Variants in INPP5A observed in about 807,000 individuals in gnomAD.
INPP5A encodes inositol polyphosphate-5-phosphatase A.
In INPP5A, 14 loss-of-function variants were observed where a neutral mutation model predicts 65.2. That is an observed-to-expected ratio of 0.21 (90% CI 0.14 to 0.34). The LOEUF (loss-of-function observed/expected upper bound fraction) is 0.34, where lower values mean the gene tolerates loss of function less well. Ranked by LOEUF, INPP5A falls within the 10% of genes least tolerant of loss-of-function variation. INPP5A has a pLI of 1.00. For missense variants in INPP5A, 431 were observed against 545.6 expected, an observed-to-expected ratio of 0.79 and a Z score of 2.09; for synonymous variants, 207 against 208.3, an observed-to-expected ratio of 0.99 and a Z score of 0.05.
At chr10:132,773,656 A>G (rs1251383882) in intron 12 of INPP5A, among the ~76,000 whole-genome samples, 1 of 152,176 alleles carries the variant, frequency 6.6e-6, no homozygotes, top group Non-Finnish European at 1.5e-5. Context: ...TGTGGCTCAT[A>G]CAGACTGTGG....
chr10:132,639,184 C>G (rs1428947076), intron 2 of INPP5A, among the ~76,000 whole-genome samples: 1 of 152,192 alleles, frequency 6.6e-6, no homozygotes, highest in African/African-American at 2.4e-5. Flanking sequence ...CCAGCCCTGC[C>G]CAGCCATCAG....
rs1035121284 is a variant in INPP5A, at chr10:132,697,156, G to C, written c.371-660G>C. On this transcript the variant is annotated intron_variant, in intron 5 of 15. Transcript: ENST00000368594. This position sits in a 1 kb window ranked among gnomAD's most constrained non-coding sequence, Gnocchi z 5.6. ...TGCCCACTGGACCCAGCAGGAGTTT[G>C]AGGAATGGATCCCTGCCATCCTTGA... 6.6e-6 allele frequency among the ~76,000 whole-genome samples: 1 copy of C among 152,242 alleles called. No individual in the cohort carries two copies. The highest frequency in any genetic ancestry group is 2.4e-5 in the African/African-American group (1 of 41,474).
In INPP5A at chr10:132,637,703, A is replaced by G. The variant is rs1306073299; in HGVS notation, c.118-8165A>G. Among the ~76,000 whole-genome samples, 1 of 151,866 alleles carries G rather than the reference A, an allele frequency of 6.6e-6. No individual in the cohort carries two copies. The highest frequency in any genetic ancestry group is 2.4e-5 in the African/African-American group (1 of 41,290). ...TTTGCCTTTGCCGCCCCCGAGGTTG[A>G]TGGGCGCTCTCCGTCTCTTTCTCCC... On this transcript the variant is annotated intron_variant, in intron 2 of 15. Coordinates refer to ENST00000368594, the MANE Select transcript of INPP5A (RefSeq NM_005539.5). The surrounding 1 kb of genome is among the most constrained non-coding windows in gnomAD (Gnocchi z 4.1).
At chr10:132,597,982 G>A (rs1325240905) in intron 1 of INPP5A, among the ~76,000 whole-genome samples, 1 of 152,246 alleles carries the variant, frequency 6.6e-6, no homozygotes, top group African/African-American at 2.4e-5. Context: ...TTCCCGGGCT[G>A]TGCTACACAT....
At chr10:132,548,176 G>T (rs924805478) in intron 1 of INPP5A, among the ~76,000 whole-genome samples, 3 of 152,064 alleles carry the variant, frequency 2.0e-5, no homozygotes, top group Non-Finnish European at 2.9e-5. Flanking sequence ...CATCGTGCCC[G>T]GCCATGGTGT....
intron 1 of INPP5A, among the ~76,000 whole-genome samples, chr10:132,588,395 C>T (rs138786057): frequency 7.2e-5 from 11 of 152,362 alleles, no homozygotes; most frequent in South Asian, 2.1e-4. Context: ...CCTCCTGCAC[C>T]GCCTGGACAC....
chr10:132,546,790 T>A lies in INPP5A; in HGVS notation c.75+8619T>A, dbSNP rs890041496. ...TCCCCACCTGACCGCCCAGCCACTG[T>A]TCTCCCTGGCCCTTCCCTCTCGTTT... On this transcript the variant is annotated intron_variant, in intron 1 of 15. Coordinates refer to ENST00000368594, the MANE Select transcript of INPP5A (RefSeq NM_005539.5). This position sits in a 1 kb window ranked among gnomAD's most constrained non-coding sequence, Gnocchi z 5.7. Among the ~76,000 whole-genome samples, 7 of 152,198 alleles carry A rather than the reference T, an allele frequency of 4.6e-5. No homozygotes were observed. The highest frequency in any genetic ancestry group is 1.2e-4 in the African/African-American group (5 of 41,468).
At chr10:132,751,178 C>T (rs555526414) in intron 11 of INPP5A, among the ~76,000 whole-genome samples, 8 of 152,232 alleles carry the variant, frequency 5.3e-5, no homozygotes, top group Admixed American at 5.2e-4. Context: ...TGCCTCCTGC[C>T]CCTCATCAAC....
At chr10:132,561,561 G>T (rs1378939444) in intron 1 of INPP5A, among the ~76,000 whole-genome samples, 1 of 152,030 alleles carries the variant, frequency 6.6e-6, no homozygotes, top group African/African-American at 2.4e-5. Context: ...CTATGTGTCT[G>T]TCCTTATGCC....
chr10:132,733,000 A>G (rs1846113084), intron 9 of INPP5A, among the ~76,000 whole-genome samples: 1 of 152,118 alleles, frequency 6.6e-6, no homozygotes, highest in Non-Finnish European at 1.5e-5. Flanking sequence ...TGGACATCCA[A>G]AATCAAGGTG....
chr10:132,782,434 C>T lies in INPP5A; in HGVS notation c.*405C>T, dbSNP rs569251246. On this transcript the variant is annotated 3_prime_UTR_variant, in exon 16 of 16. Transcript: ENST00000368594. This position sits in a 1 kb window ranked among gnomAD's most constrained non-coding sequence, Gnocchi z 4.4. The stretch of plus-strand genomic sequence containing the variant: ...CCCCTCTGCCAGGTGGAGGTGTGTC[C>T]AGGGGCTGGGGAAGCCGAGACGGGC... 1.5e-4 allele frequency: 36 copies of T among 247,978 alleles called. No individual in the cohort carries two copies. In the East Asian group the frequency reaches 2.8e-3, roughly 19 times the overall value. The allele number at this position is 247,978 out of a possible 1,614,324, so 15.4% of individuals were successfully genotyped here.
chr10:132,643,089 TATTA>T lies in INPP5A; in HGVS notation c.118-2774_118-2771del. On this transcript the variant is annotated intron_variant, in intron 2 of 15. Transcript: ENST00000368594. ...TTTGTTAAAATTTAGTTTCAAATAC[TATTA>T]ATTAGCAAGGTCATTGGGTTGACCA... Among the ~76,000 whole-genome samples, 3 of 152,386 alleles carry T rather than the reference TATTA, an allele frequency of 2.0e-5. No homozygotes were observed. In the South Asian group the frequency reaches 6.2e-4, roughly 32 times the overall value.
chr10:132,617,049 C>T (rs971496211), intron 2 of INPP5A, among the ~76,000 whole-genome samples: 3 of 152,146 alleles, frequency 2.0e-5, no homozygotes, highest in African/African-American at 7.2e-5. Flanking sequence ...AGCCCAGCCC[C>T]GCAGCCTTCA....
Position 132,765,359 on chromosome 10 carries a change from C to G in INPP5A, c.904-414C>G, listed in dbSNP as rs186667428. On this transcript the variant is annotated intron_variant, in intron 11 of 15. Coordinates refer to ENST00000368594, the MANE Select transcript of INPP5A (RefSeq NM_005539.5). ...GGCCATTTTCCCTGACCTGTTCTCACAAAGCTGACATTGCTCACTCTGCAG... is the reference window on the plus strand; with the variant it reads ...GGCCATTTTCCCTGACCTGTTCTCAGAAAGCTGACATTGCTCACTCTGCAG... 2.0e-5 allele frequency among the ~76,000 whole-genome samples: 3 copies of G among 152,364 alleles called. No homozygotes were observed. In the East Asian group the frequency reaches 5.8e-4, roughly 29 times the overall value.
intron 1 of INPP5A, among the ~76,000 whole-genome samples, chr10:132,572,034 A>G (rs1021808694): frequency 2.6e-5 from 4 of 152,198 alleles, no homozygotes; most frequent in African/African-American, 9.7e-5. Context: ...GCTGAGTAGC[A>G]TGCAGCACAG....
At position 132,710,500 on chromosome 10, in the gene INPP5A, G is replaced by GGGCCGGGCAAGTAGGTA. The variant is rs759511413; in HGVS notation, c.647+44_647+45insGGCCGGGCAAGTAGGTA. ...GTAGGCGTGGGCCGGGCAAGTAGGT[G>GGGCCGGGCAAGTAGGTA]TGCTGGGCAGGCAGGTGTGAGTGGA... On this transcript the variant is annotated intron_variant, in intron 8 of 15. Transcript: ENST00000368594. 6.3e-6 allele frequency: 10 copies of GGGCCGGGCAAGTAGGTA among 1,597,008 alleles called. No individual in the cohort carries two copies. The African/African-American group carries it at 1.2e-4, about 19-fold the overall frequency.
chr10:132,716,241 C>CA (rs1845737636), intron 8 of INPP5A, among the ~76,000 whole-genome samples: 1 of 152,258 alleles, frequency 6.6e-6, no homozygotes, highest in East Asian at 1.9e-4. Flanking sequence ...TCCTGAACCC[C>CA]ATCCTGGCCC....
intron 9 of INPP5A, among the ~76,000 whole-genome samples, chr10:132,740,334 C>T (rs1276562435): frequency 6.6e-6 from 1 of 152,144 alleles, no homozygotes; most frequent in Admixed American, 6.5e-5. Context: ...AGCAGTGGTC[C>T]GGACCCTCAG....
chr10:132,766,010 CGT>C (rs1354606556), intron 12 of INPP5A, among the ~76,000 whole-genome samples, 164 bp downstream of exon 12: 3 of 152,176 alleles, frequency 2.0e-5, no homozygotes, highest in Non-Finnish European at 2.9e-5. Context: ...TGTGTGTACA[CGT>C]GTGTGTTGTG....
Sources: gnomAD v4.1 joint callset for allele counts (sites outside exome capture counted in the v4.1 genomes callset) on GRCh38, gnomAD v4.1.1 for gene constraint, Gnocchi (gnomAD v3.1) non-coding constraint, MANE v1.5 for transcripts, NCBI Gene and HGNC (gene_info 2026-07-23, HGNC 2026-07-21) for gene names.